PDE4B: variants seen among roughly 807,000 people sequenced by gnomAD.
The protein encoded by PDE4B is 3',5'-cyclic-AMP phosphodiesterase 4B.
A neutral mutation model predicts 82.2 loss-of-function variants in PDE4B; 20 were observed. That is an observed-to-expected ratio of 0.24 (90% confidence interval 0.17 to 0.35). PDE4B has a LOEUF of 0.35. Among genes scored for constraint, PDE4B ranks in the 10% least tolerant of loss-of-function variants. PDE4B has a pLI of 1.00. For missense variants in PDE4B, 655 were observed against 907.2 expected (o/e 0.72, Z 3.57); for synonymous variants, 320 against 318.9 (o/e 1.00, Z -0.04).
intron 3 of PDE4B, among the ~76,000 whole-genome samples, chr1:65,951,439 A>C (rs1350261258): frequency 6.6e-6 from 1 of 152,050 alleles, no homozygotes; most frequent in Non-Finnish European, 1.5e-5. Flanking sequence ...TTGGAAATTT[A>C]TGCATTCTTT....
At chr1:65,954,715 C>G (rs1649170164) in intron 3 of PDE4B, among the ~76,000 whole-genome samples, 1 of 152,034 alleles carries the variant, frequency 6.6e-6, no homozygotes, top group African/African-American at 2.4e-5. Context: ...TTAATTTGAT[C>G]AGTTCTCTCA....
intron 3 of PDE4B, among the ~76,000 whole-genome samples, chr1:66,168,467 G>A (rs761261271): frequency 6.6e-6 from 1 of 152,178 alleles, no homozygotes; most frequent in Non-Finnish European, 1.5e-5. Flanking sequence ...GGAGCAAACT[G>A]GGTAAGAGCA....
At chr1:65,905,788 T>C (rs1409878861) in intron 1 of PDE4B, among the ~76,000 whole-genome samples, 1 of 152,094 alleles carries the variant, frequency 6.6e-6, no homozygotes, top group Non-Finnish European at 1.5e-5. Flanking sequence ...CATGATCTGT[T>C]GCACTTCTCA....
chr1:66,295,509 A>G (rs952109527), intron 7 of PDE4B, among the ~76,000 whole-genome samples: 4 of 152,132 alleles, frequency 2.6e-5, no homozygotes, highest in African/African-American at 9.7e-5. Context: ...GCTCACTTCA[A>G]CATCCACTGC....
chr1:65,871,251 C>A (rs1646569906), intron 1 of PDE4B, among the ~76,000 whole-genome samples: 1 of 151,706 alleles, frequency 6.6e-6, no homozygotes, highest in Non-Finnish European at 1.5e-5. Context: ...TGATCCAGGA[C>A]CTTGGAGTGC....
chr1:66,184,285 A>G (rs4655599), intron 3 of PDE4B, among the ~76,000 whole-genome samples: 28,689 of 152,142 alleles, frequency 0.19, 2,816 homozygotes, highest in Non-Finnish European at 0.22. Flanking sequence ...GAGGTTCCAT[A>G]TAAATCCAGG....
chr1:66,335,451 T>C (rs1256585371), intron 8 of PDE4B, among the ~76,000 whole-genome samples: 6 of 152,180 alleles, frequency 3.9e-5, no homozygotes, highest in African/African-American at 1.4e-4. Context: ...TTCATCTAGG[T>C]AGGGTTGTGC....
intron 4 of PDE4B, among the ~76,000 whole-genome samples, chr1:66,251,473 A>G (rs1045772318): frequency 2.0e-5 from 3 of 152,182 alleles, no homozygotes; most frequent in South Asian, 2.1e-4. Context: ...GATCATATTC[A>G]TTCTCTCTTT....
intron 3 of PDE4B, among the ~76,000 whole-genome samples, chr1:65,955,567 A>G (rs1460257075): frequency 1.3e-5 from 2 of 152,168 alleles, no homozygotes; most frequent in Non-Finnish European, 2.9e-5. Context: ...TTGCATGGGT[A>G]ACAGATTTGG....
intron 7 of PDE4B, among the ~76,000 whole-genome samples, chr1:66,303,226 C>T (rs1658024778): frequency 6.6e-6 from 1 of 151,898 alleles, no homozygotes; most frequent in African/African-American, 2.4e-5. Context: ...CCACATTGCC[C>T]TCAGGGCTGG....
intron 3 of PDE4B, among the ~76,000 whole-genome samples, chr1:65,924,648 C>G (rs1647404265): frequency 6.6e-6 from 1 of 152,170 alleles, no homozygotes; most frequent in Non-Finnish European, 1.5e-5. Flanking sequence ...GAGTCTCTCA[C>G]AAGACTGGAA....
intron 1 of PDE4B, among the ~76,000 whole-genome samples, chr1:65,870,964 A>G (rs1451535534): frequency 1.3e-5 from 2 of 152,224 alleles, no homozygotes; most frequent in African/African-American, 4.8e-5. Context: ...TGCCAAAATT[A>G]GAGGAAGAAT....
chr1:65,990,776 C>T (rs1157806193), intron 3 of PDE4B, among the ~76,000 whole-genome samples: 1 of 152,140 alleles, frequency 6.6e-6, no homozygotes, highest in Non-Finnish European at 1.5e-5. Context: ...TGCTTAAATT[C>T]TCTAGCTCTG....
At chr1:65,895,315 C>T (rs754723794) in intron 1 of PDE4B, among the ~76,000 whole-genome samples, 4 of 151,844 alleles carry the variant, frequency 2.6e-5, no homozygotes, top group Non-Finnish European at 4.4e-5. Flanking sequence ...TTTGGGGGGC[C>T]GAAACAGGTG....
chr1:66,005,030 ATTACT>A (rs1415395178), intron 3 of PDE4B, among the ~76,000 whole-genome samples: 2 of 152,122 alleles, frequency 1.3e-5, no homozygotes, highest in African/African-American at 4.8e-5. Flanking sequence ...AAAGATAAAG[ATTACT>A]TTACAGAAAG....
chr1:66,210,741 A>C (rs1356275315), intron 3 of PDE4B, among the ~76,000 whole-genome samples: 1 of 152,154 alleles, frequency 6.6e-6, no homozygotes, highest in Non-Finnish European at 1.5e-5. Flanking sequence ...AGGAGCAAGA[A>C]AAACTAGGCA....
chr1:65,823,791 T>A (rs1199658526), intron 1 of PDE4B, among the ~76,000 whole-genome samples: 1 of 152,220 alleles, frequency 6.6e-6, no homozygotes, highest in Non-Finnish European at 1.5e-5. Flanking sequence ...ATCTACACTT[T>A]CTTTCTGCAG....
At position 66,332,534 on chromosome 1, in the gene PDE4B, G is replaced by A. The variant is rs2101917746; in HGVS notation, c.661G>A (p.Glu221Lys). The A allele has an allele frequency of 1.2e-6, 2 of 1,614,154 alleles. No homozygotes were observed. The highest frequency in any genetic ancestry group is 1.7e-6 in the Non-Finnish European group (2 of 1,180,014). Residue 221 changes from glutamate (E) to lysine (K), a missense_variant, in exon 8 of 17, where the codon GAA becomes AAA. Coordinates refer to ENST00000341517, the MANE Select transcript of PDE4B (RefSeq NM_002600.4). ...QEESYQKLAM[E>K]TLEELDWCLD... ...AGAATCTTATCAAAAATTAGCAATG[G>A]AAACGCTGGAGGAATTAGACTGGTG... is the stretch of plus-strand genomic sequence containing the variant.
intron 8 of PDE4B, among the ~76,000 whole-genome samples, chr1:66,333,684 T>A (rs138901511): frequency 1.2e-4 from 19 of 152,056 alleles, no homozygotes; most frequent in African/African-American, 4.3e-4. Flanking sequence ...TTTCCTGGGG[T>A]AAAAGTACCA....
Sources: gnomAD v4.1 joint callset for allele counts (sites outside exome capture counted in the v4.1 genomes callset) on GRCh38, gnomAD v4.1.1 for gene constraint, MANE v1.5 for transcripts, NCBI Gene and HGNC (gene_info 2026-07-23, HGNC 2026-07-21) for gene names.